PRKCH: variants seen among roughly 807,000 people sequenced by gnomAD.
The protein encoded by PRKCH is protein kinase C eta.
In PRKCH, 28 loss-of-function variants were observed where a neutral mutation model predicts 82.5. That is an observed-to-expected ratio of 0.34 (90% CI 0.25 to 0.47). The LOEUF is 0.47. PRKCH is among the 20% of genes least tolerant of loss of function. The probability of loss-of-function intolerance (pLI) is 1.00; values close to 1 mark genes in which losing one functional copy is unlikely to be tolerated. For missense variants in PRKCH, 705 were observed against 881.8 expected, an observed-to-expected ratio of 0.80 and a Z score of 2.54; for synonymous variants, 322 against 327.4, an observed-to-expected ratio of 0.98 and a Z score of 0.18.
rs148967004 is a variant in PRKCH at position 61,310,284 on chromosome 14, C to T, written c.-19+122616C>T. Among the ~76,000 whole-genome samples, 44 of 152,288 alleles carry T rather than the reference C, an allele frequency of 2.9e-4. 1 individual carries two copies. The highest frequency in any genetic ancestry group is 8.7e-4 in the African/African-American group (36 of 41,558). ...CATTTGAGACAAGGCAAGTCCCTTC[C>T]GCCTATAAACCTGTAAAATAAAAAA... On this transcript the variant is annotated intron_variant, in intron 1 of 3. Transcript: ENST00000555185.
intron 6 of PRKCH, 54 bp from the exon 7 acceptor site, chr14:61,453,172 C>T (rs1884591529): frequency 1.2e-6 from 2 of 1,605,716 alleles, no homozygotes; most frequent in African/African-American, 1.3e-5. Context: ...TGTTGCAGCA[C>T]ATGTTGAATT....
intron 1 of PRKCH, among the ~76,000 whole-genome samples, chr14:61,222,789 T>C (rs2044665141): frequency 1.3e-5 from 2 of 152,240 alleles, no homozygotes; most frequent in South Asian, 4.1e-4. Context: ...TTCAGTTTCT[T>C]GCTTATATTC....
At chr14:61,284,484 G>T (rs898113528) in intron 1 of PRKCH, among the ~76,000 whole-genome samples, 1 of 152,154 alleles carries the variant, frequency 6.6e-6, no homozygotes, top group Non-Finnish European at 1.5e-5. Context: ...ATGAGATGGG[G>T]TGTTAAAGAT....
At chr14:61,501,174 C>G (rs1886889687) in intron 10 of PRKCH, among the ~76,000 whole-genome samples, 2 of 152,056 alleles carry the variant, frequency 1.3e-5, no homozygotes, top group Non-Finnish European at 2.9e-5. Flanking sequence ...CTTGCTTATT[C>G]CAGTGTCTGA....
Position 61,550,593 on chromosome 14 carries a change from C to G in PRKCH, c.*762C>G, listed in dbSNP as rs1457302777. On this transcript the variant is annotated 3_prime_UTR_variant, in exon 14 of 14. Coordinates refer to ENST00000332981, the MANE Select transcript of PRKCH (RefSeq NM_006255.5). ...ATGGTGTTTGCATTCTGTGAAATGCCTCTCCACGTTGCATATGTCACACTT... is the reference window on the plus strand; with the variant it reads ...ATGGTGTTTGCATTCTGTGAAATGCGTCTCCACGTTGCATATGTCACACTT... 6 of 152,618 alleles carry G rather than the reference C, an allele frequency of 3.9e-5. No individual in the cohort carries two copies. The highest frequency in any genetic ancestry group is 5.9e-5 in the Non-Finnish European group (4 of 68,046). 9.5% of individuals were successfully genotyped at this position (152,618 alleles called of 1,614,324 possible).
At chr14:61,360,082 C>T (rs189896579) in intron 1 of PRKCH, among the ~76,000 whole-genome samples, 6 of 152,282 alleles carry the variant, frequency 3.9e-5, no homozygotes, top group South Asian at 2.1e-4. Context: ...GTATCTTTAG[C>T]GACAATAGCA....
intron 10 of PRKCH, among the ~76,000 whole-genome samples, chr14:61,510,818 T>G (rs1450205544): frequency 6.6e-6 from 1 of 152,146 alleles, no homozygotes; most frequent in Non-Finnish European, 1.5e-5. Context: ...ATTGTAGATT[T>G]GTGCAATGAT....
chr14:61,432,502 A>T (rs1883455820), intron 2 of PRKCH, among the ~76,000 whole-genome samples: 2 of 152,022 alleles, frequency 1.3e-5, no homozygotes, highest in Admixed American at 6.5e-5. Context: ...CTAGTTTCTT[A>T]CTTTATTTTT....
At chr14:61,236,429 A>G (rs975735259) in intron 1 of PRKCH, among the ~76,000 whole-genome samples, 3 of 151,784 alleles carry the variant, frequency 2.0e-5, no homozygotes, top group African/African-American at 7.3e-5. Context: ...AGCTGGCTCC[A>G]CCGGGCGCAG....
intron 1 of PRKCH, among the ~76,000 whole-genome samples, chr14:61,382,167 A>C (rs2046520832): frequency 6.6e-6 from 1 of 152,234 alleles, no homozygotes; most frequent in African/African-American, 2.4e-5. Flanking sequence ...ACAGTGGCTC[A>C]CACCAGTAAT....
chr14:61,422,079 A>G (rs1338905356), intron 2 of PRKCH, among the ~76,000 whole-genome samples: 2 of 152,046 alleles, frequency 1.3e-5, no homozygotes, highest in Non-Finnish European at 2.9e-5. Context: ...CAGCCATTCA[A>G]TGTTTTTGTT....
intron 1 of PRKCH, among the ~76,000 whole-genome samples, chr14:61,252,477 G>A (rs1391949054): frequency 6.6e-6 from 1 of 152,150 alleles, no homozygotes; most frequent in Non-Finnish European, 1.5e-5. Context: ...CACTTGAGAT[G>A]CACCAAGGGT....
At chr14:61,423,060 G>A (rs539734008) in intron 2 of PRKCH, among the ~76,000 whole-genome samples, 2 of 152,334 alleles carry the variant, frequency 1.3e-5, no homozygotes, top group South Asian at 4.1e-4. Context: ...GTGTGAAGAT[G>A]TGTTGGAGCC....
chr14:61,196,528 G>A (rs2044443855), intron 1 of PRKCH, among the ~76,000 whole-genome samples: 1 of 152,160 alleles, frequency 6.6e-6, no homozygotes. Context: ...ACAGGATAGG[G>A]AACAATACAG....
chr14:61,489,538 T>C (rs1886370472), intron 10 of PRKCH, among the ~76,000 whole-genome samples: 1 of 152,232 alleles, frequency 6.6e-6, no homozygotes, highest in Non-Finnish European at 1.5e-5. Flanking sequence ...AGAAGCCCAG[T>C]TCCTAGGAGA....
At chr14:61,397,540 T>G (rs1267671264) in intron 2 of PRKCH, among the ~76,000 whole-genome samples, 1 of 152,164 alleles carries the variant, frequency 6.6e-6, no homozygotes, top group Non-Finnish European at 1.5e-5. Context: ...GCATCAACAT[T>G]TAAGTACTTT....
At chr14:61,319,235 C>G (rs1350466979), upstream of PRKCH, among the ~76,000 whole-genome samples, 2 of 152,226 alleles carry the variant, frequency 1.3e-5, no homozygotes, top group Admixed American at 6.5e-5. Flanking sequence ...GCCAACCCAT[C>G]TGTCTCCTCA....
intron 7 of PRKCH, 67 bp from the exon 8 acceptor site, chr14:61,457,109 T>G (rs1257416075): frequency 1.3e-6 from 2 of 1,560,278 alleles, no homozygotes; most frequent in African/African-American, 2.7e-5. Context: ...CAATAAGGTC[T>G]TCTTCGTGCA....
At chr14:61,516,434 T>G (rs140183563) in intron 10 of PRKCH, among the ~76,000 whole-genome samples, 99 of 152,292 alleles carry the variant, frequency 6.5e-4, no homozygotes, top group African/African-American at 2.2e-3. Context: ...TTTTAAGATC[T>G]TAGGAAGTTA....
Sources: allele counts gnomAD v4.1 joint callset (sites outside exome capture counted in the v4.1 genomes callset), GRCh38; gene constraint gnomAD v4.1.1; transcripts MANE v1.5; gene names NCBI Gene and HGNC (gene_info 2026-07-23, HGNC 2026-07-21).